Variants in RABGAP1L observed in about 807,000 individuals in gnomAD.
The protein encoded by RABGAP1L is RAB GTPase activating protein 1 like.
RABGAP1L carries 63 observed loss-of-function variants against 137.7 expected under a neutral mutation model. The ratio of observed to expected loss-of-function variants is 0.46; its 90% confidence interval spans 0.37 to 0.56. RABGAP1L has a LOEUF of 0.56. RABGAP1L is among the 20% of genes least tolerant of loss of function. The pLI is 0.00. For synonymous variants in RABGAP1L, 431 were observed against 433.7 expected (o/e 0.99, Z 0.08); for missense variants, 1,095 against 1,244.0 (o/e 0.88, Z 1.80).
At chr1:174,708,842 A>G (rs1399937595) in intron 17 of RABGAP1L, among the ~76,000 whole-genome samples, 2 of 152,176 alleles carry the variant, frequency 1.3e-5, no homozygotes, top group African/African-American at 4.8e-5. Flanking sequence ...TCCCCTGGAA[A>G]GGGGGCTGAA....
chr1:174,850,058 G>A (rs1224087931), intron 19 of RABGAP1L: 18 of 550,980 alleles, frequency 3.3e-5, no homozygotes, highest in South Asian at 2.5e-4. Context: ...GCAGGAGGCT[G>A]TTGGTAGAGG....
rs552729394 is a variant in RABGAP1L, at chr1:174,990,063, T to C, written c.*62T>C. On this transcript the variant is annotated 3_prime_UTR_variant, in exon 26 of 26. Coordinates refer to ENST00000681986, the MANE Select transcript of RABGAP1L (RefSeq NM_001366446.1). ...AACCAATGGAAATCTGGGAGGATTC[T>C]TCCTGGTGTCCCTTTGAAGGAAAGT... 9.0e-6 allele frequency: 13 copies of C among 1,442,808 alleles called. No homozygotes were observed. The highest frequency in any genetic ancestry group is 9.4e-7 in the Non-Finnish European group (1 of 1,064,150). 89.4% of individuals were successfully genotyped at this position (1,442,808 alleles called of 1,614,324 possible). A position where few individuals can be genotyped will look rare whatever the true frequency, so the allele number is the denominator to read the frequency against.
chr1:174,189,856 C>T (rs556787037), intron 1 of RABGAP1L, among the ~76,000 whole-genome samples: 1 of 152,268 alleles, frequency 6.6e-6, no homozygotes, highest in South Asian at 2.1e-4. Flanking sequence ...CCTGTAGTGC[C>T]ACCTGTAGTC....
At chr1:174,888,534 C>A (rs548186499) in intron 19 of RABGAP1L, among the ~76,000 whole-genome samples, 1 of 152,040 alleles carries the variant, frequency 6.6e-6, no homozygotes, top group African/African-American at 2.4e-5. Flanking sequence ...CTATAACTTC[C>A]CTATGTCAGC....
At chr1:174,659,010 C>T (rs1428896777) in intron 14 of RABGAP1L, among the ~76,000 whole-genome samples, 1 of 152,038 alleles carries the variant, frequency 6.6e-6, no homozygotes, top group African/African-American at 2.4e-5. Context: ...AGAATTTTAG[C>T]AATGAGTAAG....
At chr1:174,889,465 G>A (rs1281616008) in intron 19 of RABGAP1L, among the ~76,000 whole-genome samples, 1 of 152,182 alleles carries the variant, frequency 6.6e-6, no homozygotes. Flanking sequence ...CTGTTACCCA[G>A]TCTGGAGTGC....
intron 19 of RABGAP1L, among the ~76,000 whole-genome samples, chr1:174,866,299 G>A (rs1392126737): frequency 6.6e-6 from 1 of 152,036 alleles, no homozygotes; most frequent in African/African-American, 2.4e-5. Context: ...AAAATTAACT[G>A]TCATTCAAAT....
rs114332089 is a variant in RABGAP1L at position 174,558,248 on chromosome 1, G to A, written c.1711-79127G>A. Among the ~76,000 whole-genome samples the A allele has an allele frequency of 2.5e-3, 382 of 152,246 alleles. 3 individuals carry two copies. Among genetic ancestry groups the A allele is most frequent in the African/African-American group, 8.9e-3 (371 of 41,546 alleles). On this transcript the variant is annotated intron_variant, in intron 13 of 25. Transcript: ENST00000681986. ...TGTATTGACCTTTTTCATTCAAAAG[G>A]TCCAGCCTGGGGCTGCATGCCAGCC...
chr1:174,534,774 CCAAAAA>C (rs1558316499), intron 13 of RABGAP1L, among the ~76,000 whole-genome samples: 1 of 32,216 alleles, frequency 3.1e-5, no homozygotes. Context: ...AACTCTGTCT[CCAAAAA>C]AAAAAAAAAA....
intron 19 of RABGAP1L, among the ~76,000 whole-genome samples, chr1:174,931,989 G>GTTTTTTTTTTTT (rs1558247691): frequency 1.1e-5 from 1 of 94,182 alleles, no homozygotes. Context: ...CTGCTTTTTT[G>GTTTTTTTTTTTT]GTTTTTTTTT....
intron 13 of RABGAP1L, among the ~76,000 whole-genome samples, chr1:174,402,369 T>C (rs1648705026): frequency 6.6e-6 from 1 of 152,142 alleles, no homozygotes; most frequent in South Asian, 2.1e-4. Context: ...GTTGAAGAAA[T>C]AAAAGCACTA....
intron 1 of RABGAP1L, among the ~76,000 whole-genome samples, chr1:174,173,549 A>G (rs371559274): frequency 1.1e-4 from 17 of 152,260 alleles, no homozygotes; most frequent in African/African-American, 4.1e-4. Context: ...CTGAGTGTGC[A>G]TTTTGAGAAG....
intron 13 of RABGAP1L, among the ~76,000 whole-genome samples, chr1:174,478,704 C>A (rs1658769437): frequency 6.6e-6 from 1 of 152,064 alleles, no homozygotes; most frequent in African/African-American, 2.4e-5. Context: ...TGAATAAGTT[C>A]TTTGTTATTA....
chr1:174,975,929 C>A, intron 21 of RABGAP1L, 149 bp from the exon 22 acceptor site: 1 of 642,692 alleles, frequency 1.6e-6, no homozygotes, highest in Non-Finnish European at 2.7e-6. Flanking sequence ...GTGAAAGCAG[C>A]CATCGCTTGG....
chr1:174,170,474 G>T (rs1484667182), intron 1 of RABGAP1L, among the ~76,000 whole-genome samples: 1 of 151,920 alleles, frequency 6.6e-6, no homozygotes, highest in Non-Finnish European at 1.5e-5. Flanking sequence ...TCAGGAGATT[G>T]AGACCATCCT....
chr1:174,307,689 A>C (rs1678426158), intron 11 of RABGAP1L, among the ~76,000 whole-genome samples: 1 of 152,120 alleles, frequency 6.6e-6, no homozygotes, highest in Non-Finnish European at 1.5e-5. Flanking sequence ...AATTGTTTAG[A>C]TAAAGCACAT....
At chr1:174,734,578 A>G (rs550110134) in intron 17 of RABGAP1L, among the ~76,000 whole-genome samples, 3 of 152,298 alleles carry the variant, frequency 2.0e-5, no homozygotes, top group African/African-American at 7.2e-5. Flanking sequence ...TGGTCTTAGG[A>G]GAAAGTCAGA....
intron 19 of RABGAP1L, among the ~76,000 whole-genome samples, chr1:174,890,295 T>C (rs1394922263): frequency 6.6e-6 from 1 of 152,308 alleles, no homozygotes; most frequent in East Asian, 1.9e-4. Flanking sequence ...TGTCACACCT[T>C]GCACCCTGTG....
intron 1 of RABGAP1L, among the ~76,000 whole-genome samples, chr1:174,193,475 TG>T (rs554019814): frequency 5.1e-4 from 77 of 152,180 alleles, no homozygotes; most frequent in Admixed American, 1.2e-3. Context: ...GAGGTTGCAG[TG>T]AGTCGAGATC....
Sources: allele counts gnomAD v4.1 joint callset (sites outside exome capture counted in the v4.1 genomes callset), GRCh38; gene constraint gnomAD v4.1.1; transcripts MANE v1.5; gene names NCBI Gene and HGNC (gene_info 2026-07-23, HGNC 2026-07-21).